The following HACD1 variants were observed in gnomAD, a reference collection of about 807,000 sequenced individuals.
HACD1 encodes the protein very-long-chain (3R)-3-hydroxyacyl-CoA dehydratase 1.
In HACD1, 41 loss-of-function variants were observed where a neutral mutation model predicts 32.0. The ratio of observed to expected loss-of-function variants is 1.28; its 90% CI spans 1.00 to 1.66. The LOEUF is 1.66. Ranked by LOEUF, HACD1 falls within the 40% of genes most tolerant of loss-of-function variation. HACD1 has a pLI of 0.00. For synonymous variants in HACD1, 142 were observed against 139.0 expected, an observed-to-expected ratio of 1.02 and a Z score of -0.15; for missense variants, 396 against 380.1, an observed-to-expected ratio of 1.04 and a Z score of -0.35.
chr10:17,601,219 A>T (rs1834065821), intron 4 of HACD1, among the ~76,000 whole-genome samples: 1 of 152,026 alleles, frequency 6.6e-6, no homozygotes, highest in Admixed American at 6.6e-5. Flanking sequence ...TTTTTAGTAG[A>T]GACAGGGTTT....
chr10:17,604,091 C>T (rs782655608), intron 1 of HACD1, 44 bp from the exon 2 acceptor site: 1 of 1,297,818 alleles, frequency 7.7e-7, no homozygotes, highest in Non-Finnish European at 1.1e-6. Flanking sequence ...GAACTTAATA[C>T]CACTGATTTA....
At chr10:17,591,563 T>C (rs868937058) in intron 6 of HACD1, among the ~76,000 whole-genome samples, 6 of 152,364 alleles carry the variant, frequency 3.9e-5, no homozygotes, top group Middle Eastern at 3.4e-3. Context: ...AATTGTCATC[T>C]GTCCAGTCAA....
At chr10:17,610,999 CTTT>C (rs71393021) in intron 1 of HACD1, among the ~76,000 whole-genome samples, 7 of 103,002 alleles carry the variant, frequency 6.8e-5, no homozygotes, top group South Asian at 2.9e-4. Flanking sequence ...AGGTCCTCTT[CTTT>C]TTTTTTTTTT....
chr10:17,610,400 G>A (rs1295150457), intron 1 of HACD1, among the ~76,000 whole-genome samples: 2 of 152,124 alleles, frequency 1.3e-5, no homozygotes, highest in African/African-American at 2.4e-5. Context: ...TGTAATCCCA[G>A]GATTTTGGGA....
At chr10:17,592,530 C>A (rs1833942208) in intron 6 of HACD1, among the ~76,000 whole-genome samples, 1 of 152,040 alleles carries the variant, frequency 6.6e-6, no homozygotes, top group African/African-American at 2.4e-5. Context: ...CAGTAGCTGG[C>A]AGCATGGTGA....
At chr10:17,612,649 G>A (rs1004965521) in intron 1 of HACD1, among the ~76,000 whole-genome samples, 1 of 152,090 alleles carries the variant, frequency 6.6e-6, no homozygotes, top group South Asian at 2.1e-4. Flanking sequence ...GGCCGGGCGC[G>A]GTGGCTCATG....
intron 1 of HACD1, among the ~76,000 whole-genome samples, chr10:17,612,643 G>A (rs952147911): frequency 7.9e-5 from 12 of 152,084 alleles, no homozygotes; most frequent in Non-Finnish European, 1.3e-4. Context: ...AGAGGGGGCC[G>A]GGCGCGGTGG....
chr10:17,593,889 A>T (rs894213612), intron 6 of HACD1, among the ~76,000 whole-genome samples: 1 of 152,226 alleles, frequency 6.6e-6, no homozygotes, highest in East Asian at 1.9e-4. Flanking sequence ...GCTTGTAAAA[A>T]GTGCACTAAT....
chr10:17,617,187 G>A lies in HACD1; in HGVS notation c.153C>T (p.Gly51=). 3 of 1,502,632 alleles carry A rather than the reference G, an allele frequency of 2.0e-6. No homozygotes were observed. Among genetic ancestry groups the A allele is most frequent in the Non-Finnish European group, 1.8e-6 (2 of 1,130,694 alleles). The allele number at this position is 1,502,632 out of a possible 1,614,324, so 93.1% of individuals were successfully genotyped here. The part of the protein sequence containing the change: ...ASSDEDGTNG[G]ASEAGEDREA... ...CCCGGTCCTCGCCGGCCTCCGAGGCGCCGCCGTTGGTGCCGTCCTCGTCGC... is the reference window on the plus strand; with the variant it reads ...CCCGGTCCTCGCCGGCCTCCGAGGCACCGCCGTTGGTGCCGTCCTCGTCGC... Residue 51 remains glycine, a synonymous_variant, in exon 1 of 7, where the codon GGC becomes GGT. Transcript: ENST00000361271.
chr10:17,596,206 A>G (rs1168100296), intron 5 of HACD1, among the ~76,000 whole-genome samples: 5 of 152,304 alleles, frequency 3.3e-5, no homozygotes, highest in Admixed American at 1.3e-4. Flanking sequence ...ATATGCGAAG[A>G]TAAGAGATGG....
At chr10:17,599,007 G>T in intron 5 of HACD1, 1 of 336,634 alleles carries the variant, frequency 3.0e-6, no homozygotes, top group Admixed American at 5.0e-5. Flanking sequence ...AATGTATATT[G>T]TGCTTTCCAA....
intron 1 of HACD1, among the ~76,000 whole-genome samples, chr10:17,604,661 T>A (rs1390162401): frequency 1.3e-5 from 2 of 152,130 alleles, no homozygotes; most frequent in East Asian, 3.8e-4. Context: ...TTTAAAAAAT[T>A]TCTTTTTTTG....
At position 17,594,973 on chromosome 10, in the gene HACD1, C is replaced by T. The variant is rs2131504192; in HGVS notation, c.606-590G>A. ...TCCCGGGTTCAAGCAATTCTCCTGC[C>T]TCAGCCTCCTGGGTAGCTGGGACTA... On this transcript the variant is annotated intron_variant, in intron 5 of 6. Coordinates refer to ENST00000361271, the MANE Select transcript of HACD1 (RefSeq NM_014241.4). Among the ~76,000 whole-genome samples, 2 of 152,162 alleles carry T rather than the reference C, an allele frequency of 1.3e-5. 1 individual carries two copies. The highest frequency in any genetic ancestry group is 3.9e-4 in the East Asian group (2 of 5,170).
chr10:17,604,995 C>T (rs1564509093), intron 1 of HACD1, among the ~76,000 whole-genome samples: 1 of 152,092 alleles, frequency 6.6e-6, no homozygotes, highest in Non-Finnish European at 1.5e-5. Context: ...GAGTGAGCCA[C>T]CATGCCCAGC....
chr10:17,609,656 G>T (rs1276237305), intron 1 of HACD1, among the ~76,000 whole-genome samples: 2 of 152,188 alleles, frequency 1.3e-5, no homozygotes, highest in Non-Finnish European at 2.9e-5. Context: ...CCAATGGGAA[G>T]TCCCATTCAT....
intron 1 of HACD1, among the ~76,000 whole-genome samples, chr10:17,615,321 G>A (rs1833058647): frequency 6.6e-6 from 1 of 152,176 alleles, no homozygotes; most frequent in South Asian, 2.1e-4. Flanking sequence ...TCTATATAAT[G>A]TAATATCATG....
At chr10:17,604,118 G>T (rs1834110643) in intron 1 of HACD1, 71 bp from the exon 2 acceptor site, 1 of 1,117,746 alleles carries the variant, frequency 8.9e-7, no homozygotes, top group Non-Finnish European at 1.3e-6. Context: ...TGTGTTTACA[G>T]CAGCGTTATT....
chr10:17,607,007 G>A (rs939539589), intron 1 of HACD1, among the ~76,000 whole-genome samples: 4 of 152,020 alleles, frequency 2.6e-5, no homozygotes, highest in African/African-American at 4.8e-5. Context: ...ATGCTGTGTC[G>A]GTCTGGCTCT....
Position 17,593,361 on chromosome 10 carries a change from G to A in HACD1, c.784+844C>T, listed in dbSNP as rs181092866. 1.7e-3 allele frequency among the ~76,000 whole-genome samples: 250 copies of A among 151,356 alleles called. 1 individual carries two copies. The highest frequency in any genetic ancestry group is 5.8e-3 in the African/African-American group (241 of 41,254). On this transcript the variant is annotated intron_variant, in intron 6 of 6. Coordinates refer to ENST00000361271, the MANE Select transcript of HACD1 (RefSeq NM_014241.4). The stretch of plus-strand genomic sequence containing the variant: ...ACAGAGTCTCACTCTTATTGCCCAG[G>A]CTGGAATGCAATGGCATCATGTCAG...
Sources: gnomAD v4.1 joint callset for allele counts (sites outside exome capture counted in the v4.1 genomes callset) on GRCh38, gnomAD v4.1.1 for gene constraint, MANE v1.5 for transcripts, NCBI Gene and HGNC (gene_info 2026-07-23, HGNC 2026-07-21) for gene names.